Variants in BAALC observed in about 807,000 individuals in gnomAD.
The protein encoded by BAALC is brain and acute leukemia cytoplasmic protein.
Under a neutral mutation model 15.5 loss-of-function variants are expected in BAALC, and 9 were observed. The observed-to-expected ratio is 0.58, with a 90% CI of 0.35 to 1.02. BAALC has a LOEUF of 1.02. Among genes scored for constraint, BAALC ranks in the 50% least tolerant of loss-of-function variants. The probability of loss-of-function intolerance (pLI) is 0.02; values close to 1 mark genes in which losing one functional copy is unlikely to be tolerated. For synonymous variants in BAALC, 80 were observed against 74.6 expected, an observed-to-expected ratio of 1.07 and a Z score of -0.37; for missense variants, 201 against 192.4, an observed-to-expected ratio of 1.04 and a Z score of -0.27.
chr8:103,207,597 C>T (rs1387823246), intron 1 of BAALC, among the ~76,000 whole-genome samples: 1 of 152,122 alleles, frequency 6.6e-6, no homozygotes, highest in East Asian at 1.9e-4. Flanking sequence ...GAAGCCTTTC[C>T]TCTTGTTTAG....
At chr8:103,203,055 G>A (rs575211315) in intron 1 of BAALC, among the ~76,000 whole-genome samples, 24 of 152,234 alleles carry the variant, frequency 1.6e-4, no homozygotes, top group East Asian at 1.9e-4. Flanking sequence ...GGCCCATTTC[G>A]CCAAAGACAA....
At chr8:103,151,527 C>A (rs906276606) in intron 1 of BAALC, among the ~76,000 whole-genome samples, 4 of 152,134 alleles carry the variant, frequency 2.6e-5, no homozygotes, top group African/African-American at 9.7e-5. Context: ...GCTTGTCATG[C>A]CAATCTCAAA....
At chr8:103,161,584 G>A (rs1304845862) in intron 1 of BAALC, among the ~76,000 whole-genome samples, 3 of 152,138 alleles carry the variant, frequency 2.0e-5, no homozygotes, top group Non-Finnish European at 2.9e-5. Flanking sequence ...GTAACAAATA[G>A]TCTTGTCCAT....
At chr8:103,195,552 C>T (rs571462075) in intron 1 of BAALC, among the ~76,000 whole-genome samples, 340 of 152,242 alleles carry the variant, frequency 2.2e-3, no homozygotes, top group Non-Finnish European at 4.2e-3. Context: ...CAACCCCTTA[C>T]GAGGAGGGAG....
At chr8:103,189,528 T>C (rs1209829872) in intron 1 of BAALC, among the ~76,000 whole-genome samples, 1 of 152,148 alleles carries the variant, frequency 6.6e-6, no homozygotes, top group East Asian at 1.9e-4. Context: ...ACTTGGACAC[T>C]TGGAATAAGC....
At chr8:103,156,418 G>T (rs56698360) in intron 1 of BAALC, among the ~76,000 whole-genome samples, 4 of 152,170 alleles carry the variant, frequency 2.6e-5, no homozygotes, top group Non-Finnish European at 4.4e-5. Flanking sequence ...ATGGCATCAC[G>T]CAGAGTAAGG....
Position 103,184,592 on chromosome 8 carries a change from TC to T in BAALC, c.161-28325del, listed in dbSNP as rs529854951. Among the ~76,000 whole-genome samples, 14 of 152,318 alleles carry T rather than the reference TC, an allele frequency of 9.2e-5. No individual in the cohort carries two copies. The South Asian group carries it at 2.9e-3, about 32-fold the overall frequency. On this transcript the variant is annotated intron_variant, in intron 1 of 2. Coordinates refer to ENST00000309982, the MANE Select transcript of BAALC (RefSeq NM_024812.3). Reference sequence around the variant, plus strand: ...GTGACGACAGAACTCAGTCCATCTGTCCTCCAGTCCATGCTGCCTTGTGTTA... The same window carrying T: ...GTGACGACAGAACTCAGTCCATCTGTCTCCAGTCCATGCTGCCTTGTGTTA...
chr8:103,198,472 G>A (rs1263767694), intron 1 of BAALC, among the ~76,000 whole-genome samples: 1 of 151,996 alleles, frequency 6.6e-6, no homozygotes, highest in East Asian at 1.9e-4. Flanking sequence ...CCGTGATCCT[G>A]GTCCCCTGCC....
chr8:103,171,457 GAAAGA>G (rs1157363441), intron 1 of BAALC, among the ~76,000 whole-genome samples: 6 of 151,614 alleles, frequency 4.0e-5, no homozygotes, highest in African/African-American at 9.7e-5. Context: ...AAGTAAGAAA[GAAAGA>G]AAAGAAAAGA....
At chr8:103,179,329 G>C (rs993223969) in intron 1 of BAALC, among the ~76,000 whole-genome samples, 4 of 152,206 alleles carry the variant, frequency 2.6e-5, no homozygotes, top group African/African-American at 9.6e-5. Flanking sequence ...AAGTCATGCT[G>C]GGTAGGAGCC....
chr8:103,229,302 G>A lies in BAALC; in HGVS notation c.*1203G>A, dbSNP rs1812871810. The A allele has an allele frequency of 6.6e-6, 1 of 152,206 alleles. No homozygotes were observed. The allele number at this position is 152,206 out of a possible 1,614,324, so 9.4% of individuals were successfully genotyped here. A position where few individuals can be genotyped will look rare whatever the true frequency, so the allele number is the denominator to read the frequency against. On this transcript the variant is annotated 3_prime_UTR_variant, in exon 3 of 3. Coordinates refer to ENST00000309982, the MANE Select transcript of BAALC (RefSeq NM_024812.3). ...ACATGCCTGGGATTGGGAAAGATAG[G>A]ACTAAAGTTGTGCCAAACTATATCA...
rs115423371 is a variant in BAALC at position 103,160,134 on chromosome 8, C to T, written c.160+19077C>T. Among the ~76,000 whole-genome samples the T allele has an allele frequency of 8.2e-3, 1,243 of 152,172 alleles. 19 individuals are homozygous for T. The highest frequency in any genetic ancestry group is 0.029 in the African/African-American group (1,196 of 41,530). On this transcript the variant is annotated intron_variant, in intron 1 of 2. Coordinates refer to ENST00000309982, the MANE Select transcript of BAALC (RefSeq NM_024812.3). ...GTTAACAGTGGAGGGTGTCCAGGTT[C>T]TTGGCATCTTGAACACATAATTGGA...
chr8:103,162,698 G>T (rs1811253421), intron 1 of BAALC, among the ~76,000 whole-genome samples: 1 of 152,104 alleles, frequency 6.6e-6, no homozygotes, highest in Non-Finnish European at 1.5e-5. Flanking sequence ...AAAAGGAGGG[G>T]AATCAGACTC....
intron 1 of BAALC, among the ~76,000 whole-genome samples, chr8:103,146,851 T>C (rs972598277): frequency 3.9e-5 from 6 of 152,228 alleles, no homozygotes; most frequent in African/African-American, 1.4e-4. Flanking sequence ...TTAGGCAGCC[T>C]CATGTTCCCA....
At chr8:103,169,486 C>T (rs1024222363) in intron 1 of BAALC, among the ~76,000 whole-genome samples, 7 of 152,098 alleles carry the variant, frequency 4.6e-5, no homozygotes, top group Non-Finnish European at 5.9e-5. Flanking sequence ...GAGGGCACTC[C>T]GATGTTGGTT....
intron 1 of BAALC, among the ~76,000 whole-genome samples, chr8:103,162,777 C>A (rs574702001): frequency 6.6e-6 from 1 of 151,974 alleles, no homozygotes; most frequent in African/African-American, 2.4e-5. Flanking sequence ...TATAAAGGAC[C>A]TGAGATTTTA....
At chr8:103,206,222 T>G (rs1397238567) in intron 1 of BAALC, among the ~76,000 whole-genome samples, 1 of 152,126 alleles carries the variant, frequency 6.6e-6, no homozygotes, top group Non-Finnish European at 1.5e-5. Flanking sequence ...TTTTTAAAGC[T>G]TTAATTCTCT....
intron 1 of BAALC, among the ~76,000 whole-genome samples, chr8:103,152,437 C>G (rs1586374788): frequency 6.6e-6 from 1 of 152,202 alleles, no homozygotes; most frequent in Non-Finnish European, 1.5e-5. Flanking sequence ...TCAGATGTCA[C>G]CTCCTCAGAG....
intron 1 of BAALC, chr8:103,200,876 T>C (rs988826609): frequency 1.2e-5 from 6 of 506,532 alleles, no homozygotes; most frequent in Admixed American, 7.4e-5. Flanking sequence ...TACTATTGCA[T>C]TGGGGGTTAG....
Sources: gnomAD v4.1 joint callset for allele counts (sites outside exome capture counted in the v4.1 genomes callset) on GRCh38, gnomAD v4.1.1 for gene constraint, MANE v1.5 for transcripts, NCBI Gene and HGNC (gene_info 2026-07-23, HGNC 2026-07-21) for gene names.